ADD2: variants seen among roughly 807,000 people sequenced by gnomAD.
ADD2 encodes adducin 2, also known as beta-adducin.
A neutral mutation model predicts 83.0 loss-of-function variants in ADD2; 23 were observed. The ratio of observed to expected loss-of-function variants is 0.28; its 90% CI spans 0.20 to 0.39. The LOEUF (loss-of-function observed/expected upper bound fraction) is 0.39, where lower values mean the gene tolerates loss of function less well. ADD2 is among the 10% of genes least tolerant of loss of function. The pLI, the probability that ADD2 is intolerant of heterozygous loss-of-function variation, is 1.00. For missense variants in ADD2, 758 were observed against 944.9 expected (o/e 0.80, Z 2.59); for synonymous variants, 375 against 375.4 (o/e 1.00, Z 0.01).
intron 11 of ADD2, 34 bp from the exon 12 acceptor site, chr2:70,677,911 G>A: frequency 6.2e-7 from 1 of 1,613,470 alleles, no homozygotes; most frequent in Non-Finnish European, 8.5e-7. Flanking sequence ...GCTGAGGTGA[G>A]GGAACAGGCC....
chr2:70,734,358 A>C (rs1673421873), intron 1 of ADD2, among the ~76,000 whole-genome samples: 1 of 148,806 alleles, frequency 6.7e-6, no homozygotes, highest in Non-Finnish European at 1.5e-5. Context: ...CCCACCCCTC[A>C]CCCCCTCAAA....
rs1675506879 is a variant in ADD2, at chr2:70,768,123, C to T, written c.-391G>A. 2 of 700,926 alleles carry T rather than the reference C, an allele frequency of 2.9e-6. No homozygotes were observed. Among genetic ancestry groups the T allele is most frequent in the Admixed American group, 2.9e-5 (1 of 34,424 alleles). 43.4% of individuals were successfully genotyped at this position (700,926 alleles called of 1,614,324 possible). A position where few individuals can be genotyped will look rare whatever the true frequency, so the allele number is the denominator to read the frequency against. The stretch of plus-strand genomic sequence containing the variant: ...GACGCCGCAGTTCCTTGACAAAAGG[C>T]TCGGGTTCCCGCTAGTCCCTCACAG... On this transcript the variant is annotated 5_prime_UTR_variant, in exon 1 of 16. Coordinates refer to ENST00000264436, the MANE Select transcript of ADD2 (RefSeq NM_001617.4).
At chr2:70,698,943 A>G (rs1458956409) in intron 4 of ADD2, among the ~76,000 whole-genome samples, 1 of 152,138 alleles carries the variant, frequency 6.6e-6, no homozygotes, top group Non-Finnish European at 1.5e-5. Flanking sequence ...AGCTAGACAG[A>G]TAACAACCTA....
At chr2:70,751,337 G>A (rs1012296224) in intron 1 of ADD2, among the ~76,000 whole-genome samples, 1 of 152,132 alleles carries the variant, frequency 6.6e-6, no homozygotes, top group African/African-American at 2.4e-5. Flanking sequence ...AGGGTACCTT[G>A]TTAGCTTTTC....
intron 4 of ADD2, 72 bp downstream of exon 4, chr2:70,704,249 G>T: frequency 1.4e-6 from 2 of 1,464,722 alleles, no homozygotes; most frequent in Non-Finnish European, 1.9e-6. Context: ...GCTTCTTGCT[G>T]CTCCTCCCTC....
At chr2:70,720,443 G>T (rs17040269) in intron 1 of ADD2, among the ~76,000 whole-genome samples, 13,880 of 152,146 alleles carry the variant, frequency 0.091, 657 homozygotes, top group East Asian at 0.12. Flanking sequence ...AGAACAGGAT[G>T]GCAAAAATAG....
At position 70,704,341 on chromosome 2, in the gene ADD2, A is replaced by C. The variant is rs1553373995; in HGVS notation, c.302T>G (p.Val101Gly). The C allele has an allele frequency of 6.4e-7, 1 of 1,568,870 alleles. No individual in the cohort carries two copies. The highest frequency in any genetic ancestry group is 1.4e-5 in the African/African-American group (1 of 72,402). ...ADFMASTSHAVFPTSSMNVSM... is the reference protein window; with the variant it reads ...ADFMASTSHAGFPTSSMNVSM... ...CATACTCATGGAAGATGTCGGGAAG[A>C]CTGCGTGGGAGGTGCTGGCCATGAA... Residue 101 changes from valine to glycine, a missense_variant, in exon 4 of 16, where the codon GTC becomes GGC. By Grantham distance (109) the Val-to-Gly change is moderately radical. This residue lies in a region of ADD2 where 175 missense variants were observed against 192.1 expected (regional missense o/e 0.91). Coordinates refer to ENST00000264436, the MANE Select transcript of ADD2 (RefSeq NM_001617.4).
At chr2:70,735,225 A>G (rs1673475914) in intron 1 of ADD2, among the ~76,000 whole-genome samples, 1 of 152,130 alleles carries the variant, frequency 6.6e-6, no homozygotes, top group East Asian at 1.9e-4. Context: ...AGAAGGGGAA[A>G]AAAAAGAGTG....
chr2:70,753,580 G>A (rs939856225), intron 1 of ADD2, among the ~76,000 whole-genome samples: 3 of 152,034 alleles, frequency 2.0e-5, no homozygotes, highest in Non-Finnish European at 4.4e-5. Context: ...GCATGTCAGG[G>A]ATGTGTGTCA....
At chr2:70,698,245 C>T in intron 4 of ADD2, among the ~76,000 whole-genome samples, 1 of 152,166 alleles carries the variant, frequency 6.6e-6, no homozygotes, top group East Asian at 1.9e-4. Flanking sequence ...GCCAGGGGGC[C>T]AGAACAGGTC....
chr2:70,758,175 C>A (rs192286432), intron 1 of ADD2, among the ~76,000 whole-genome samples: 1 of 152,154 alleles, frequency 6.6e-6, no homozygotes, highest in East Asian at 1.9e-4. Flanking sequence ...ATTGGTAATG[C>A]ATATTTTCAG....
At chr2:70,728,861 C>CACTGG (rs1553378804) in intron 1 of ADD2, among the ~76,000 whole-genome samples, 14 of 152,226 alleles carry the variant, frequency 9.2e-5, no homozygotes, top group Non-Finnish European at 1.9e-4. Context: ...TAGGCAAGTC[C>CACTGG]AGTGCAGAAA....
At chr2:70,692,687 G>T in intron 6 of ADD2, 135 bp from the exon 7 acceptor site, 1 of 980,498 alleles carries the variant, frequency 1.0e-6, no homozygotes, top group Non-Finnish European at 1.4e-6. Context: ...TGACGGACTT[G>T]GTGTTGGAAG....
In ADD2 at chr2:70,677,833, C is replaced by T. The variant is rs34884423; in HGVS notation, c.1428G>A (p.Pro476=). The change falls in exon 12 of 16, where the codon CCG becomes CCA. Residue 476 remains proline, a synonymous_variant. Coordinates refer to ENST00000264436, the MANE Select transcript of ADD2 (RefSeq NM_001617.4). The part of the protein sequence containing the change: ...DEVEKSSSGM[P]IRIENPNQFV... ...ATTGGTTTGGGTTTTCGATGCGAAT[C>T]GGCATGCCACTGCTGGATTTCTCCA... The T allele has an allele frequency of 1.5e-4, 245 of 1,614,210 alleles. 1 individual carries two copies. In the Middle Eastern group the frequency reaches 3.1e-3, roughly 21 times the overall value.
In ADD2 at chr2:70,696,287, C is replaced by T; in HGVS notation, c.432G>A (p.Leu144=). 2.5e-6 allele frequency: 4 copies of T among 1,613,722 alleles called. No individual in the cohort carries two copies. In the South Asian group the frequency reaches 4.4e-5, roughly 18 times the overall value. The change falls in exon 5 of 16, where the codon CTG becomes CTA. Residue 144 remains leucine (L), a synonymous_variant. Transcript: ENST00000264436. ...TCAGCTGGGCCCAGCCATAGAGGTC[C>T]AGGAGTCGGTAGACACTGCTGATCT... The part of the protein sequence containing the change: ...RCKISSVYRL[L]DLYGWAQLSD...
intron 4 of ADD2, among the ~76,000 whole-genome samples, chr2:70,701,461 C>T (rs1408686373): frequency 6.6e-6 from 1 of 151,984 alleles, no homozygotes; most frequent in African/African-American, 2.4e-5. Context: ...AGAAATAAGA[C>T]AAGGATAATT....
intron 8 of ADD2, 35 bp from the exon 9 acceptor site, chr2:70,688,157 G>C (rs782363005): frequency 1.9e-6 from 3 of 1,571,518 alleles, no homozygotes; most frequent in Non-Finnish European, 1.7e-6. Context: ...AAAACCTTAA[G>C]TCCTCTAAAC....
At chr2:70,677,972 C>A in intron 11 of ADD2, 95 bp from the exon 12 acceptor site, 1 of 1,525,664 alleles carries the variant, frequency 6.6e-7, no homozygotes, top group Non-Finnish European at 9.0e-7. Context: ...CAACATCCTG[C>A]ATGGAAGGTC....
intron 2 of ADD2, among the ~76,000 whole-genome samples, chr2:70,711,429 C>T (rs1208437484): frequency 6.6e-6 from 1 of 152,104 alleles, no homozygotes; most frequent in Non-Finnish European, 1.5e-5. Context: ...AGCTCCACCC[C>T]CCACCAATCC....
Sources: gnomAD v4.1 joint callset for allele counts (sites outside exome capture counted in the v4.1 genomes callset) on GRCh38, gnomAD v4.1.1 for gene constraint, gnomAD v4.1.1 regional missense constraint, MANE v1.5 for transcripts, NCBI Gene and HGNC (gene_info 2026-07-23, HGNC 2026-07-21) for gene names.